Variants in LINGO2 observed in about 807,000 individuals in gnomAD.
LINGO2 encodes the protein leucine rich repeat and Ig domain containing 2.
Under a neutral mutation model 30.6 loss-of-function variants are expected in LINGO2, and 14 were observed. That is an observed-to-expected ratio of 0.46 (90% confidence interval 0.30 to 0.72). The LOEUF is 0.72. Ranked by LOEUF, LINGO2 falls within the 30% of genes least tolerant of loss-of-function variation. The pLI is 0.07. For missense variants in LINGO2, 729 were observed against 751.7 expected (o/e 0.97, Z 0.35); for synonymous variants, 317 against 288.5 (o/e 1.10, Z -1.00).
rs183291950 is a variant in LINGO2 at position 28,241,635 on chromosome 9, G to T, written c.-87+53573C>A. Among the ~76,000 whole-genome samples the T allele has an allele frequency of 3.4e-3, 522 of 152,256 alleles. 4 individuals carry two copies. The highest frequency in any genetic ancestry group is 0.012 in the African/African-American group (491 of 41,548). On this transcript the variant is annotated intron_variant, in intron 4 of 5. Transcript: ENST00000379992. The stretch of plus-strand genomic sequence containing the variant: ...CACCAAGGGACAGCCAAAGTGCCTT[G>T]TTAAATGGGTCCTGCTTCCTATGCC...
At chr9:28,275,107 C>T (rs569029148) in intron 4 of LINGO2, among the ~76,000 whole-genome samples, 21 of 152,132 alleles carry the variant, frequency 1.4e-4, no homozygotes, top group East Asian at 3.9e-4. Context: ...CTCACTCTGT[C>T]GCCCAGGCTG....
At chr9:29,092,707 AGC>A in the LINGO2 span, among the ~76,000 whole-genome samples, 2 of 137,394 alleles carry the variant, frequency 1.5e-5, no homozygotes, top group African/African-American at 5.4e-5. Context: ...CATTTCTGTT[AGC>A]ATTTAAAGTT....
the LINGO2 span, among the ~76,000 whole-genome samples, chr9:28,824,928 A>G: frequency 6.6e-6 from 1 of 152,248 alleles, no homozygotes; most frequent in South Asian, 2.1e-4. Flanking sequence ...TTTAGTTTTC[A>G]AAGAAAATAA....
At chr9:28,579,121 T>A (rs1351308659) in intron 1 of LINGO2, among the ~76,000 whole-genome samples, 1 of 152,036 alleles carries the variant, frequency 6.6e-6, no homozygotes, top group East Asian at 1.9e-4. Flanking sequence ...CTATCCATCC[T>A]TTATGGAAAT....
intron 4 of LINGO2, among the ~76,000 whole-genome samples, chr9:28,227,118 A>G (rs1821196315): frequency 6.6e-6 from 1 of 152,130 alleles, no homozygotes. Context: ...AGCACTCAAT[A>G]AATCAAGGGC....
the LINGO2 span, among the ~76,000 whole-genome samples, chr9:29,055,062 T>C: frequency 1.3e-5 from 2 of 151,892 alleles, no homozygotes; most frequent in African/African-American, 4.8e-5. Flanking sequence ...CTACTAAAAA[T>C]ACAAAAATTA....
the LINGO2 span, among the ~76,000 whole-genome samples, chr9:29,055,499 G>A: frequency 1.3e-5 from 2 of 152,270 alleles, no homozygotes; most frequent in African/African-American, 4.8e-5. Context: ...TGTAAATAAT[G>A]CTGTAATCAA....
At position 28,288,293 on chromosome 9, in the gene LINGO2, T is replaced by A. The variant is rs550993438; in HGVS notation, c.-87+6915A>T. On this transcript the variant is annotated intron_variant, in intron 4 of 5. Transcript: ENST00000379992. ...CTCAAACATAACGTTTATTTTTACATAATGGCGACTTTGTCAGACTGTACT... is the reference window on the plus strand; with the variant it reads ...CTCAAACATAACGTTTATTTTTACAAAATGGCGACTTTGTCAGACTGTACT... Among the ~76,000 whole-genome samples, 3 of 152,260 alleles carry A rather than the reference T, an allele frequency of 2.0e-5. No individual in the cohort carries two copies. The South Asian group carries it at 6.2e-4, about 32-fold the overall frequency.
chr9:28,234,586 G>T (rs1821491421), intron 4 of LINGO2, among the ~76,000 whole-genome samples: 1 of 152,342 alleles, frequency 6.6e-6, no homozygotes, highest in East Asian at 1.9e-4. Flanking sequence ...AAAATGGAAA[G>T]AGCAGACTTG....
At chr9:28,735,152 T>G in the LINGO2 span, among the ~76,000 whole-genome samples, 1 of 152,156 alleles carries the variant, frequency 6.6e-6, no homozygotes, top group African/African-American at 2.4e-5. Context: ...AGAACTTGAA[T>G]GAGGTATAAG....
chr9:28,349,374 C>T (rs1225084726), intron 3 of LINGO2, among the ~76,000 whole-genome samples: 31 of 136,940 alleles, frequency 2.3e-4, no homozygotes, highest in African/African-American at 7.2e-4. Flanking sequence ...GGAGCCGATG[C>T]GATCAACTGG....
the LINGO2 span, among the ~76,000 whole-genome samples, chr9:29,127,768 T>A: frequency 6.6e-6 from 1 of 152,130 alleles, no homozygotes; most frequent in East Asian, 1.9e-4. Flanking sequence ...AGGACTCTTT[T>A]CTGTCTTTCC....
intron 4 of LINGO2, among the ~76,000 whole-genome samples, chr9:28,250,995 C>T (rs1471210629): frequency 2.0e-5 from 3 of 152,068 alleles, no homozygotes; most frequent in Non-Finnish European, 4.4e-5. Flanking sequence ...TGTTCTTCGC[C>T]TCCACCTGGC....
intron 5 of LINGO2, among the ~76,000 whole-genome samples, chr9:27,977,309 G>A (rs991953569): frequency 3.3e-5 from 5 of 151,510 alleles, no homozygotes; most frequent in Non-Finnish European, 5.9e-5. Flanking sequence ...AGACAACCAG[G>A]AAGGCTTCAA....
chr9:29,186,446 G>C, the LINGO2 span, among the ~76,000 whole-genome samples: 353 of 152,104 alleles, frequency 2.3e-3, 2 homozygotes, highest in Admixed American at 3.6e-3. Flanking sequence ...TAAACACGCT[G>C]AAACTTAACA....
At chr9:28,107,910 A>T (rs1008640386) in intron 4 of LINGO2, among the ~76,000 whole-genome samples, 1 of 152,142 alleles carries the variant, frequency 6.6e-6, no homozygotes, top group Non-Finnish European at 1.5e-5. Flanking sequence ...CCCTTCTAAG[A>T]AAAAGGCAGT....
At chr9:28,848,157 CAT>C in the LINGO2 span, among the ~76,000 whole-genome samples, 1 of 79,272 alleles carries the variant, frequency 1.3e-5, no homozygotes, top group African/African-American at 7.7e-5. Context: ...TATATATACG[CAT>C]ATATAGTGTG....
chr9:28,871,967 G>C, the LINGO2 span, among the ~76,000 whole-genome samples: 4 of 152,026 alleles, frequency 2.6e-5, no homozygotes, highest in South Asian at 2.1e-4. Context: ...TTTGCACCAA[G>C]ATGTCTTTTA....
intron 1 of LINGO2, among the ~76,000 whole-genome samples, chr9:28,501,815 A>C (rs936439518): frequency 1.3e-5 from 2 of 152,150 alleles, no homozygotes; most frequent in African/African-American, 4.8e-5. Context: ...CCATCGATTT[A>C]CAATGTAATT....
Sources: allele counts gnomAD v4.1 joint callset (sites outside exome capture counted in the v4.1 genomes callset), GRCh38; gene constraint gnomAD v4.1.1; transcripts MANE v1.5; gene names NCBI Gene and HGNC (gene_info 2026-07-23, HGNC 2026-07-21).